Variants in CCNL1 observed in about 807,000 individuals in gnomAD.
CCNL1 encodes the protein cyclin L1, also known as cyclin-L1.
CCNL1 carries 13 observed loss-of-function variants against 60.6 expected under a neutral mutation model. The ratio of observed to expected loss-of-function variants is 0.21; its 90% CI spans 0.14 to 0.34. The LOEUF is 0.34. CCNL1 is among the 10% of genes least tolerant of loss of function. CCNL1 has a pLI of 1.00. For missense variants in CCNL1, 481 were observed against 664.3 expected (o/e 0.72, Z 3.03); for synonymous variants, 270 against 244.3 (o/e 1.10, Z -0.98).
intron 3 of CCNL1, among the ~76,000 whole-genome samples, chr3:157,155,054 G>T (rs1738513146): frequency 6.6e-6 from 1 of 151,984 alleles, no homozygotes; most frequent in Non-Finnish European, 1.5e-5. Flanking sequence ...ACCAACTTCA[G>T]ACTCTTTTTA....
chr3:157,144,336 A>G (rs537681243), downstream of CCNL1, among the ~76,000 whole-genome samples: 7 of 152,218 alleles, frequency 4.6e-5, no homozygotes, highest in Non-Finnish European at 1.0e-4. Context: ...TGAATATTTG[A>G]GTGCGTTCCA....
chr3:157,151,526 G>A, intron 5 of CCNL1: 3 of 985,860 alleles, frequency 3.0e-6, no homozygotes, highest in Non-Finnish European at 3.6e-6. Context: ...AAGCCAGTGT[G>A]GGAACTGGTG....
At chr3:157,148,876 A>C (rs972799170) in intron 10 of CCNL1, 1 of 387,622 alleles carries the variant, frequency 2.6e-6, no homozygotes, top group Non-Finnish European at 4.6e-6. Context: ...TTCAAAAGAC[A>C]TTGAAGAGCC....
At chr3:157,152,662 AAC>A (rs1328671130) in intron 4 of CCNL1, 1 of 1,080,266 alleles carries the variant, frequency 9.3e-7, no homozygotes, top group Non-Finnish European at 1.1e-6. Context: ...GTGAGCAGCC[AAC>A]ACACTTAGAA....
intron 5 of CCNL1, chr3:157,151,549 T>G (rs1345425867): frequency 3.0e-6 from 3 of 985,840 alleles, no homozygotes; most frequent in Non-Finnish European, 2.4e-6. Flanking sequence ...CATTTTAAGC[T>G]GCAAGTTTGT....
intron 5 of CCNL1, chr3:157,150,723 A>G: frequency 9.7e-7 from 1 of 1,029,128 alleles, no homozygotes; most frequent in Non-Finnish European, 1.2e-6. Flanking sequence ...GAAATGATAA[A>G]CCACTCCAAT....
rs1738067358 is a variant in CCNL1, at chr3:157,150,155, A to C, written c.789T>G (p.Thr263=). ...AARALQIPLP[T]RPHWFLLFGT... ...CAAAAAGAAGAAACCAATGGGGACG[A>C]GTTGGCAACGGAATCTAAACCATAA... The change falls in exon 7 of 11, where the codon ACT becomes ACG. Residue 263 remains threonine (T), a synonymous_variant. Transcript: ENST00000295926. 1 of 1,612,308 alleles carries C rather than the reference A, an allele frequency of 6.2e-7. No homozygotes were observed. The highest frequency in any genetic ancestry group is 8.5e-7 in the Non-Finnish European group (1 of 1,179,528).
rs533804544 is a variant in CCNL1, at chr3:157,159,178, G to C, written c.379-203C>G. ...TCCAGAGTCAAACTCAATCTTACAG[G>C]AGTTCTGCATTTGGTTGAAAACTGT... is the stretch of plus-strand genomic sequence containing the variant. On this transcript the variant is annotated intron_variant, in intron 2 of 10. Transcript: ENST00000295926. The C allele has an allele frequency of 2.2e-5, 14 of 629,572 alleles. No individual in the cohort carries two copies. The African/African-American group carries it at 2.6e-4, about 12-fold the overall frequency. 39.0% of individuals were successfully genotyped at this position (629,572 alleles called of 1,614,324 possible). A position where few individuals can be genotyped will look rare whatever the true frequency, so the allele number is the denominator to read the frequency against.
intron 5 of CCNL1, chr3:157,151,571 G>A (rs1738197557): frequency 1.0e-6 from 1 of 985,948 alleles, no homozygotes; most frequent in Non-Finnish European, 1.2e-6. Context: ...GTCTCCTTTG[G>A]TAGTATTCAT....
downstream of CCNL1, among the ~76,000 whole-genome samples, chr3:157,143,445 T>C (rs1452815006): frequency 3.3e-5 from 5 of 152,308 alleles, no homozygotes; most frequent in Middle Eastern, 6.8e-3. Flanking sequence ...ACTCAGAGAA[T>C]TGGTAGTATG....
At chr3:157,154,498 T>A (rs564698963) in intron 3 of CCNL1, 18 of 152,268 alleles carry the variant, frequency 1.2e-4, no homozygotes, top group African/African-American at 2.4e-4. Context: ...TCTACCCCAA[T>A]GCACACCAGA....
At chr3:157,145,271 C>G (rs973667665), downstream of CCNL1, among the ~76,000 whole-genome samples, 4 of 151,622 alleles carry the variant, frequency 2.6e-5, no homozygotes, top group African/African-American at 9.7e-5. Flanking sequence ...CCCGTCTCTA[C>G]TAAAAACACA....
At chr3:157,150,031 A>G (rs746602801) in intron 7 of CCNL1, 34 bp downstream of exon 7, 1 of 1,608,964 alleles carries the variant, frequency 6.2e-7, no homozygotes, top group African/African-American at 1.3e-5. Context: ...TTGGACTCTT[A>G]GCATGTTGGC....
intron 3 of CCNL1, among the ~76,000 whole-genome samples, chr3:157,157,565 A>G (rs1237684369): frequency 2.0e-5 from 3 of 151,904 alleles, no homozygotes; most frequent in South Asian, 2.1e-4. Flanking sequence ...TCAGCCAGGT[A>G]TCTAAATACA....
chr3:157,145,548 TG>T (rs1238573844), downstream of CCNL1, among the ~76,000 whole-genome samples: 1 of 149,582 alleles, frequency 6.7e-6, no homozygotes. Flanking sequence ...ATTGCTGTAA[TG>T]GGCCAACCAA....
chr3:157,148,901 A>G (rs140962957), intron 10 of CCNL1: 26 of 358,800 alleles, frequency 7.2e-5, no homozygotes, highest in African/African-American at 5.1e-4. Flanking sequence ...AGAGCTAACA[A>G]TCTAATTACA....
At chr3:157,158,753 G>T in intron 3 of CCNL1, 113 bp downstream of exon 3, 2 of 643,558 alleles carry the variant, frequency 3.1e-6, no homozygotes, top group Non-Finnish European at 5.4e-6. Flanking sequence ...CTAAATTAAA[G>T]TCCGTTTTCT....
chr3:157,159,677 G>T lies in CCNL1; in HGVS notation c.303+115C>A, dbSNP rs1250014021. The T allele has an allele frequency of 9.6e-6, 11 of 1,147,802 alleles. No homozygotes were observed. In the South Asian group the frequency reaches 1.6e-4, roughly 17 times the overall value. The allele number at this position is 1,147,802 out of a possible 1,614,324, so 71.1% of individuals were successfully genotyped here. ...CCCGGCCGCGGCTGGGCCCCGAACG[G>T]GAAAGCCTGAAGGAACCGTCCCCAC... On this transcript the variant is annotated intron_variant, in intron 1 of 10. Transcript: ENST00000295926.
In CCNL1 at chr3:157,159,487, C is replaced by G. The variant is rs1738892834; in HGVS notation, c.304-8G>C. 4 of 1,612,750 alleles carry G rather than the reference C, an allele frequency of 2.5e-6. No individual in the cohort carries two copies. Among genetic ancestry groups the G allele is most frequent in the Non-Finnish European group, 3.4e-6 (4 of 1,179,198 alleles). Reference sequence around the variant, plus strand: ...CCCCGTTGCCATCGCCACCTGCAGACAAGAGAGGAGAACGGAAGCGCAGGG... The same window carrying G: ...CCCCGTTGCCATCGCCACCTGCAGAGAAGAGAGGAGAACGGAAGCGCAGGG... On this transcript the variant is annotated splice_region_variant and splice_polypyrimidine_tract_variant and intron_variant, in intron 1 of 10. Coordinates refer to ENST00000295926, the MANE Select transcript of CCNL1 (RefSeq NM_020307.4).
Sources: gnomAD v4.1 joint callset for allele counts (sites outside exome capture counted in the v4.1 genomes callset) on GRCh38, gnomAD v4.1.1 for gene constraint, MANE v1.5 for transcripts, NCBI Gene and HGNC (gene_info 2026-07-23, HGNC 2026-07-21) for gene names.